The following STARD13 variants were observed in gnomAD, a reference collection of about 807,000 sequenced individuals.
STARD13 encodes the protein stAR-related lipid transfer protein 13.
Under a neutral mutation model 106.4 loss-of-function variants are expected in STARD13, and 62 were observed. The ratio of observed to expected loss-of-function variants is 0.58; its 90% CI spans 0.48 to 0.72. The LOEUF (loss-of-function observed/expected upper bound fraction) is 0.72, where lower values mean the gene tolerates loss of function less well. Among genes scored for constraint, STARD13 ranks in the 30% least tolerant of loss-of-function variants. The pLI is 0.00. For synonymous variants in STARD13, 565 were observed against 553.0 expected (o/e 1.02, Z -0.31); for missense variants, 1,387 against 1,424.0 (o/e 0.97, Z 0.42).
At chr13:33,401,914 T>A in the STARD13 span, among the ~76,000 whole-genome samples, 2 of 152,206 alleles carry the variant, frequency 1.3e-5, no homozygotes, top group Non-Finnish European at 2.9e-5. Flanking sequence ...TGAATCTTAC[T>A]CCATTATCTT....
chr13:33,564,899 A>T, the STARD13 span, among the ~76,000 whole-genome samples: 1 of 144,184 alleles, frequency 6.9e-6, no homozygotes, highest in Non-Finnish European at 1.5e-5. Context: ...AGGCTGAGGC[A>T]GGAGAATGGC....
the STARD13 span, among the ~76,000 whole-genome samples, chr13:33,536,441 T>C: frequency 6.6e-6 from 1 of 152,236 alleles, no homozygotes; most frequent in African/African-American, 2.4e-5. Context: ...TATTTGATTC[T>C]GAAATATATT....
chr13:33,167,555 A>G lies in STARD13; in HGVS notation c.237T>C (p.Tyr79=), dbSNP rs2296394. 5,704 of 1,614,174 alleles carry G rather than the reference A, an allele frequency of 3.5e-3. 247 individuals carry two copies. In the East Asian group the frequency reaches 0.1, roughly 29 times the overall value. Residue 79 remains tyrosine, a synonymous_variant, in exon 2 of 14, where the codon TAT becomes TAC. Transcript: ENST00000336934. ...CGAAGCGAAGGGCTGACGTACCCTC[A>G]TATAACTGAGCGTATTGCGGGAACC... is the stretch of plus-strand genomic sequence containing the variant. ...AAGFPQYAQL[Y]EDSQFPINIV... is the part of the protein sequence containing the mutation.
At chr13:33,327,662 T>A (rs1474144058) in intron 1 of STARD13, among the ~76,000 whole-genome samples, 1 of 152,228 alleles carries the variant, frequency 6.6e-6, no homozygotes, top group Non-Finnish European at 1.5e-5. Flanking sequence ...TGAGCCATTG[T>A]GCTGGTCCCT....
intron 1 of STARD13, among the ~76,000 whole-genome samples, chr13:33,299,371 G>A (rs977814494): frequency 2.0e-5 from 3 of 152,202 alleles, no homozygotes; most frequent in African/African-American, 7.2e-5. Context: ...GGAACCATTT[G>A]CATAAAGCAG....
intron 1 of STARD13, among the ~76,000 whole-genome samples, chr13:33,341,308 G>A (rs903472247): frequency 3.3e-5 from 5 of 152,084 alleles, no homozygotes; most frequent in African/African-American, 9.7e-5. Flanking sequence ...CAAGTTGGTG[G>A]CTTACAAAAA....
chr13:33,147,913 T>A (rs1880763290), intron 3 of STARD13, among the ~76,000 whole-genome samples: 1 of 152,068 alleles, frequency 6.6e-6, no homozygotes, highest in African/African-American at 2.4e-5. Context: ...CAAAACAGAC[T>A]CGCACAAAGA....
At chr13:33,578,082 A>G in the STARD13 span, among the ~76,000 whole-genome samples, 3 of 152,152 alleles carry the variant, frequency 2.0e-5, no homozygotes, top group South Asian at 6.2e-4. Context: ...TACTTCCCAA[A>G]GCAATCTACA....
Position 33,129,697 on chromosome 13 carries a change from C to A in STARD13, c.980G>T (p.Gly327Val). Residue 327 changes from glycine (G) to valine (V), a missense_variant, in exon 5 of 14, where the codon GGC (glycine) becomes GTC (valine). Transcript: ENST00000336934. Reference sequence around the variant, plus strand: ...CGGGCTGCTCTCGCCACTCGACTTGCCAGAGCATGGGAGCCCTTTTCTGCA... The same window carrying A: ...CGGGCTGCTCTCGCCACTCGACTTGACAGAGCATGGGAGCCCTTTTCTGCA... ...PACRKGLPCS[G>V]KSSGESSPSE... 6.2e-7 allele frequency: 1 copy of A among 1,614,066 alleles called. No individual in the cohort carries two copies. The highest frequency in any genetic ancestry group is 8.5e-7 in the Non-Finnish European group (1 of 1,180,024).
chr13:33,343,907 T>C (rs1318272711), downstream of STARD13, among the ~76,000 whole-genome samples: 1 of 152,092 alleles, frequency 6.6e-6, no homozygotes, highest in Non-Finnish European at 1.5e-5. Flanking sequence ...CATCCACTCT[T>C]ACCACCTATT....
chr13:33,173,415 A>C (rs1884193289), intron 1 of STARD13, among the ~76,000 whole-genome samples: 1 of 152,210 alleles, frequency 6.6e-6, no homozygotes, highest in South Asian at 2.1e-4. Flanking sequence ...ATTACATAGA[A>C]CCATACGCTA....
chr13:33,255,635 A>C (rs1890326102), intron 1 of STARD13, among the ~76,000 whole-genome samples: 1 of 152,140 alleles, frequency 6.6e-6, no homozygotes, highest in Admixed American at 6.5e-5. Flanking sequence ...GACAGAAAAA[A>C]ATCAGACTGA....
the STARD13 span, among the ~76,000 whole-genome samples, chr13:33,486,765 G>A: frequency 2.6e-5 from 4 of 152,146 alleles, no homozygotes; most frequent in African/African-American, 4.8e-5. Context: ...CTTGAACACT[G>A]CCTGCCTTTT....
chr13:33,595,315 A>C, the STARD13 span, among the ~76,000 whole-genome samples: 1 of 152,176 alleles, frequency 6.6e-6, no homozygotes, highest in Admixed American at 6.5e-5. Context: ...CAAAACAAAA[A>C]ACTCTATCTA....
At chr13:33,132,179 G>T (rs959962176) in intron 4 of STARD13, among the ~76,000 whole-genome samples, 3 of 152,196 alleles carry the variant, frequency 2.0e-5, no homozygotes, top group Non-Finnish European at 4.4e-5. Context: ...GTACAGAAAA[G>T]AATTCTATGG....
intron 3 of STARD13, among the ~76,000 whole-genome samples, chr13:33,147,159 A>C (rs1386929060): frequency 6.6e-6 from 1 of 152,266 alleles, no homozygotes; most frequent in Non-Finnish European, 1.5e-5. Flanking sequence ...TGGTAATAAC[A>C]GTTGAGCCAA....
Position 33,333,814 on chromosome 13 carries a change from C to A in STARD13, c.124+16476G>T, listed in dbSNP as rs188989751. 12 of 152,306 alleles carry A rather than the reference C, an allele frequency of 7.9e-5. No homozygotes were observed. The East Asian group carries it at 2.3e-3, about 29-fold the overall frequency. The allele number at this position is 152,306 out of a possible 1,614,324, so 9.4% of individuals were successfully genotyped here. ...TCCTGAAAAGTTGGTACTCTAGAGA[C>A]TAATTTCAGAAACAGGCATCTTGCT... On this transcript the variant is annotated intron_variant, in intron 1 of 5. Transcript: ENST00000567873.
the STARD13 span, among the ~76,000 whole-genome samples, chr13:33,560,989 C>T: frequency 2.0e-5 from 3 of 151,514 alleles, no homozygotes; most frequent in African/African-American, 7.3e-5. Context: ...GTTGGCATTA[C>T]TAAGCTTTAT....
intron 1 of STARD13, 74 bp downstream of exon 1, chr13:33,285,396 A>C (rs113198201): frequency 1.6e-4 from 235 of 1,483,036 alleles, no homozygotes; most frequent in African/African-American, 1.5e-3. Flanking sequence ...AACAAACAAA[A>C]AAAACTGGGT....
Sources: gnomAD v4.1 joint callset for allele counts (sites outside exome capture counted in the v4.1 genomes callset) on GRCh38, gnomAD v4.1.1 for gene constraint, MANE v1.5 for transcripts, NCBI Gene and HGNC (gene_info 2026-07-23, HGNC 2026-07-21) for gene names.